TUSC3: variants seen among roughly 807,000 people sequenced by gnomAD.
TUSC3 encodes the protein dolichyl-diphosphooligosaccharide--protein glycosyltransferase subunit TUSC3.
A neutral mutation model predicts 44.8 loss-of-function variants in TUSC3; 45 were observed. The ratio of observed to expected loss-of-function variants is 1.00; its 90% CI spans 0.79 to 1.29. The LOEUF (loss-of-function observed/expected upper bound fraction) is 1.29, where lower values mean the gene tolerates loss of function less well. Ranked by LOEUF, TUSC3 falls within the 50% of genes most tolerant of loss-of-function variation. The pLI is 0.00. For missense variants in TUSC3, 519 were observed against 437.9 expected (o/e 1.19, Z -1.65); for synonymous variants, 212 against 152.9 (o/e 1.39, Z -2.85).
chr8:15,537,829 G>C (rs927798035), upstream of TUSC3, among the ~76,000 whole-genome samples: 3 of 152,144 alleles, frequency 2.0e-5, no homozygotes, highest in Non-Finnish European at 2.9e-5. Flanking sequence ...TTGTGATTAT[G>C]TTGAGTATAT....
chr8:15,507,655 G>A (rs1226731311), intron 2 of TUSC3, among the ~76,000 whole-genome samples: 1 of 152,060 alleles, frequency 6.6e-6, no homozygotes, highest in African/African-American at 2.4e-5. Flanking sequence ...TACAAAATAT[G>A]TTATACAAAA....
chr8:15,464,260 G>C (rs1399894465), intron 1 of TUSC3, among the ~76,000 whole-genome samples: 3 of 152,152 alleles, frequency 2.0e-5, no homozygotes, highest in Non-Finnish European at 4.4e-5. Context: ...CTGGTTGGTA[G>C]TCTTATTAAA....
rs1016116659 is a variant in TUSC3, at chr8:15,545,027, C to T, written c.138+4459C>T. On this transcript the variant is annotated intron_variant, in intron 1 of 10. Transcript: ENST00000503731. ...GGTTCTATATTTTACATGTTACATA[C>T]GTATTATGTGTTACACACATGTATA... Among the ~76,000 whole-genome samples, 4 of 151,672 alleles carry T rather than the reference C, an allele frequency of 2.6e-5. 1 individual carries two copies. The highest frequency in any genetic ancestry group is 1.9e-4 in the East Asian group (1 of 5,140).
chr8:15,549,567 A>T (rs1471324823), intron 1 of TUSC3, among the ~76,000 whole-genome samples: 1 of 151,702 alleles, frequency 6.6e-6, no homozygotes, highest in African/African-American at 2.4e-5. Context: ...GAGTCATTTA[A>T]CTTTTATTTT....
chr8:15,458,623 A>G (rs1800296346), intron 1 of TUSC3, among the ~76,000 whole-genome samples: 2 of 152,220 alleles, frequency 1.3e-5, no homozygotes, highest in South Asian at 2.1e-4. Flanking sequence ...TGTACCAATG[A>G]TTAAGATGAA....
intron 6 of TUSC3, among the ~76,000 whole-genome samples, chr8:15,706,635 T>C (rs1207471047): frequency 1.3e-5 from 2 of 152,056 alleles, no homozygotes; most frequent in Non-Finnish European, 2.9e-5. Context: ...TAGCTCATAC[T>C]GAAATGTGGA....
the TUSC3 span, among the ~76,000 whole-genome samples, chr8:15,795,805 G>C: frequency 6.6e-6 from 1 of 152,206 alleles, no homozygotes; most frequent in Non-Finnish European, 1.5e-5. Flanking sequence ...ATCAGTTTGA[G>C]TAATGCAGTC....
chr8:15,811,355 T>C, the TUSC3 span, among the ~76,000 whole-genome samples: 1 of 152,112 alleles, frequency 6.6e-6, no homozygotes, highest in Non-Finnish European at 1.5e-5. Context: ...CACACCCTAC[T>C]CCTAACCTCG....
chr8:15,650,822 G>T lies in TUSC3; in HGVS notation c.426+8G>T, dbSNP rs778312654. ...ACAGACGTTTTTCAGCAGGTAAAGA[G>T]TTATATCGTATTCATATATTTAACA... On this transcript the variant is annotated splice_region_variant and intron_variant, in intron 3 of 10. Transcript: ENST00000503731. The T allele has an allele frequency of 6.2e-7, 1 of 1,607,238 alleles. No homozygotes were observed. Among genetic ancestry groups the T allele is most frequent in the Non-Finnish European group, 8.5e-7 (1 of 1,173,784 alleles).
intron 2 of TUSC3, among the ~76,000 whole-genome samples, chr8:15,525,773 C>G (rs149058610): frequency 2.0e-5 from 3 of 152,196 alleles, no homozygotes; most frequent in African/African-American, 4.8e-5. Context: ...ATGGAAATGA[C>G]CTCTAAGTCA....
intron 1 of TUSC3, among the ~76,000 whole-genome samples, chr8:15,557,942 G>C (rs201876470): frequency 1.4e-5 from 1 of 70,632 alleles, no homozygotes; most frequent in South Asian, 5.5e-4. Context: ...CAATCATGTC[G>C]TCTGCAAACA....
chr8:15,434,941 A>G (rs7836661), intron 1 of TUSC3, among the ~76,000 whole-genome samples: 24,115 of 149,544 alleles, frequency 0.16, 2,026 homozygotes, highest in Middle Eastern at 0.22. Context: ...ATCATTGTTG[A>G]ACATTTGGGT....
At chr8:15,778,890 A>C in the TUSC3 span, among the ~76,000 whole-genome samples, 25 of 152,172 alleles carry the variant, frequency 1.6e-4, no homozygotes, top group African/African-American at 6.0e-4. Flanking sequence ...CAGATGAGGC[A>C]CTTAGAGTTT....
At chr8:15,657,870 A>G (rs1460946540) in intron 3 of TUSC3, among the ~76,000 whole-genome samples, 1 of 152,200 alleles carries the variant, frequency 6.6e-6, no homozygotes, top group Non-Finnish European at 1.5e-5. Context: ...CCATAGTGCT[A>G]GAGGCTGAAA....
chr8:15,590,545 A>G (rs928321101), intron 1 of TUSC3, among the ~76,000 whole-genome samples: 9 of 152,116 alleles, frequency 5.9e-5, no homozygotes, highest in African/African-American at 2.2e-4. Context: ...TACTATTTTT[A>G]GAGGTTCTAG....
chr8:15,560,643 A>G (rs1468585265), intron 1 of TUSC3, among the ~76,000 whole-genome samples: 3 of 114,796 alleles, frequency 2.6e-5, no homozygotes, highest in South Asian at 3.0e-4. Context: ...AGGTACACCA[A>G]TCAGACGTAG....
chr8:15,719,864 A>G (rs985974036), intron 6 of TUSC3, among the ~76,000 whole-genome samples: 3 of 152,216 alleles, frequency 2.0e-5, no homozygotes, highest in Non-Finnish European at 4.4e-5. Flanking sequence ...AGAGATCCAA[A>G]TCATTTGTGT....
chr8:15,465,996 A>C (rs1800407971), intron 1 of TUSC3, among the ~76,000 whole-genome samples: 1 of 152,186 alleles, frequency 6.6e-6, no homozygotes, highest in Admixed American at 6.6e-5. Flanking sequence ...AAATGTTAAA[A>C]CTCAAATTCA....
At chr8:15,645,443 A>G (rs1207835992) in intron 2 of TUSC3, among the ~76,000 whole-genome samples, 1 of 151,866 alleles carries the variant, frequency 6.6e-6, no homozygotes, top group Non-Finnish European at 1.5e-5. Flanking sequence ...TTTTACATTC[A>G]TACTTTGTCG....
Sources: gnomAD v4.1 joint callset for allele counts (sites outside exome capture counted in the v4.1 genomes callset) on GRCh38, gnomAD v4.1.1 for gene constraint, MANE v1.5 for transcripts, NCBI Gene and HGNC (gene_info 2026-07-23, HGNC 2026-07-21) for gene names.